The following GRM8 variants were observed in gnomAD, a reference collection of about 807,000 sequenced individuals.
The protein encoded by GRM8 is glutamate metabotropic receptor 8, also known as metabotropic glutamate receptor 8.
A neutral mutation model predicts 87.2 loss-of-function variants in GRM8; 47 were observed. The ratio of observed to expected loss-of-function variants is 0.54; its 90% CI spans 0.43 to 0.69. The LOEUF is 0.69. GRM8 is among the 30% of genes least tolerant of loss of function. GRM8 has a pLI of 0.00. For missense variants in GRM8, 1,019 were observed against 1,139.2 expected, an observed-to-expected ratio of 0.89 and a Z score of 1.52; for synonymous variants, 396 against 404.5, an observed-to-expected ratio of 0.98 and a Z score of 0.25.
intron 7 of GRM8, among the ~76,000 whole-genome samples, chr7:126,745,850 A>G (rs1377321716): frequency 6.6e-6 from 1 of 151,802 alleles, no homozygotes; most frequent in Non-Finnish European, 1.5e-5. Flanking sequence ...CACAATAAAA[A>G]GCTATTTAGA....
chr7:126,935,082 A>G (rs1170536992), intron 3 of GRM8, among the ~76,000 whole-genome samples: 2 of 152,174 alleles, frequency 1.3e-5, no homozygotes, highest in African/African-American at 4.8e-5. Context: ...TCATCTATGG[A>G]CCCATGAGAG....
At chr7:127,113,479 T>C (rs1045007096) in intron 2 of GRM8, among the ~76,000 whole-genome samples, 40 of 152,212 alleles carry the variant, frequency 2.6e-4, no homozygotes, top group Admixed American at 2.6e-3. Context: ...TTTTTGTTTT[T>C]TTCCCCCCTG....
Position 126,868,672 on chromosome 7 carries a change from C to G in GRM8, c.1156+33870G>C, listed in dbSNP as rs73723518. On this transcript the variant is annotated intron_variant, in intron 6 of 10. Transcript: ENST00000339582. Reference sequence around the variant, plus strand: ...GGTTTCCCAGTATGCATACAAGTTACGTTTACACTGTATTATATTAGTCTG... The same window carrying G: ...GGTTTCCCAGTATGCATACAAGTTAGGTTTACACTGTATTATATTAGTCTG... 2.0e-5 allele frequency: 3 copies of G among 152,306 alleles called. No individual in the cohort carries two copies. In the South Asian group the frequency reaches 6.2e-4, roughly 32 times the overall value. 9.4% of individuals were successfully genotyped at this position (152,306 alleles called of 1,614,324 possible).
At chr7:126,530,238 C>T (rs748157900) in intron 9 of GRM8, among the ~76,000 whole-genome samples, 6 of 152,202 alleles carry the variant, frequency 3.9e-5, no homozygotes, top group Non-Finnish European at 8.8e-5. Context: ...TGGTTCGATG[C>T]ATTCTCTGAC....
intron 7 of GRM8, among the ~76,000 whole-genome samples, chr7:126,736,526 G>A (rs935891552): frequency 2.0e-5 from 3 of 152,086 alleles, no homozygotes; most frequent in Non-Finnish European, 4.4e-5. Flanking sequence ...GGGTGTCAAT[G>A]TTATGAGTTT....
chr7:127,168,629 C>G (rs1297478655), intron 2 of GRM8, among the ~76,000 whole-genome samples: 2 of 152,070 alleles, frequency 1.3e-5, no homozygotes, highest in African/African-American at 4.8e-5. Context: ...CAATGATAGA[C>G]TGGATAAAGA....
chr7:126,508,035 C>T (rs1299725487), intron 9 of GRM8, among the ~76,000 whole-genome samples: 6 of 151,922 alleles, frequency 3.9e-5, no homozygotes, highest in Non-Finnish European at 1.5e-5. Context: ...AAGTATAGAA[C>T]GTCAACAAGT....
At chr7:127,037,832 CGTGTGT>C (rs367605693) in intron 3 of GRM8, among the ~76,000 whole-genome samples, 3,764 of 147,416 alleles carry the variant, frequency 0.026, 59 homozygotes, top group Non-Finnish European at 0.035. Flanking sequence ...CATGCGCATC[CGTGTGT>C]GTGTGTGTGT....
chr7:126,446,336 T>C lies in GRM8; in HGVS notation c.2467A>G (p.Ser823Gly), dbSNP rs1378227870. The change falls in exon 10 of 11, where the codon AGT becomes GGT. Residue 823 changes from serine (S) to glycine (G), a missense_variant. Transcript: ENST00000339582. ...IQTTTLTVSM[S>G]LSASVSLGML... Reference sequence around the variant, plus strand: ...CCCAGAGATACTGAAGCACTTAAACTCATGGAGACAGTAAGTGTTGTTGTC... The same window carrying C: ...CCCAGAGATACTGAAGCACTTAAACCCATGGAGACAGTAAGTGTTGTTGTC... 1.9e-6 allele frequency: 3 copies of C among 1,609,726 alleles called. No individual in the cohort carries two copies. Among genetic ancestry groups the C allele is most frequent in the Admixed American group, 1.7e-5 (1 of 59,708 alleles).
At chr7:127,093,053 C>T (rs879674615) in intron 3 of GRM8, among the ~76,000 whole-genome samples, 3 of 152,208 alleles carry the variant, frequency 2.0e-5, no homozygotes, top group Non-Finnish European at 4.4e-5. Context: ...ACAGACACCT[C>T]AAGTGAACTC....
At chr7:127,022,463 C>A (rs1461251333) in intron 3 of GRM8, among the ~76,000 whole-genome samples, 1 of 151,958 alleles carries the variant, frequency 6.6e-6, no homozygotes, top group East Asian at 1.9e-4. Flanking sequence ...CAAAGCACCA[C>A]AGACCACTCA....
chr7:127,060,021 A>C (rs1820453661), intron 3 of GRM8, among the ~76,000 whole-genome samples: 3 of 152,196 alleles, frequency 2.0e-5, no homozygotes, highest in African/African-American at 7.2e-5. Flanking sequence ...CCCCACATGA[A>C]AGTCACTGGT....
chr7:126,825,585 T>C (rs1276380707), intron 6 of GRM8, among the ~76,000 whole-genome samples: 2 of 152,116 alleles, frequency 1.3e-5, no homozygotes, highest in Non-Finnish European at 2.9e-5. Flanking sequence ...AAGGCTATGC[T>C]TTAGGAATGG....
In GRM8 at chr7:126,533,765, T is replaced by C; in HGVS notation, c.1617A>G (p.Glu539=). The C allele has an allele frequency of 1.2e-6, 2 of 1,614,048 alleles. No individual in the cohort carries two copies. Among genetic ancestry groups the C allele is most frequent in the Non-Finnish European group, 8.5e-7 (1 of 1,179,962 alleles). The change falls in exon 9 of 11, where the codon GAA becomes GAG. Residue 539 remains glutamate, a synonymous_variant. Transcript: ENST00000339582. ...CCTGGTAGTTGTAACCTTCACAGCGTTCACAGTGCCAGCAGCAAGGGACCC... is the reference window on the plus strand; with the variant it reads ...CCTGGTAGTTGTAACCTTCACAGCGCTCACAGTGCCAGCAGCAAGGGACCC... The part of the protein sequence containing the change: ...VKGVPCCWHC[E]RCEGYNYQVD...
At chr7:126,749,260 G>A (rs1241260616) in intron 7 of GRM8, among the ~76,000 whole-genome samples, 1 of 152,042 alleles carries the variant, frequency 6.6e-6, no homozygotes, top group Non-Finnish European at 1.5e-5. Flanking sequence ...CTAGGTGACA[G>A]AGTGAGACTC....
intron 7 of GRM8, among the ~76,000 whole-genome samples, chr7:126,611,238 T>C (rs1175874279): frequency 6.6e-6 from 1 of 152,162 alleles, no homozygotes; most frequent in Admixed American, 6.6e-5. Context: ...ACCAAAACCT[T>C]TCTCAGCTCC....
At chr7:126,730,887 CT>C (rs1813510212) in intron 7 of GRM8, among the ~76,000 whole-genome samples, 4 of 152,072 alleles carry the variant, frequency 2.6e-5, no homozygotes. Flanking sequence ...TTGGCATTTA[CT>C]TAATTTAGTT....
chr7:127,138,356 T>A (rs1828061531), intron 2 of GRM8, among the ~76,000 whole-genome samples: 1 of 152,130 alleles, frequency 6.6e-6, no homozygotes, highest in Non-Finnish European at 1.5e-5. Context: ...TCAGTTAGAA[T>A]CTGCAGAACC....
chr7:127,024,204 G>A (rs1369163153), intron 3 of GRM8, among the ~76,000 whole-genome samples: 1 of 152,016 alleles, frequency 6.6e-6, no homozygotes, highest in Non-Finnish European at 1.5e-5. Flanking sequence ...CAGCATTGCT[G>A]GTGCATATTC....
Sources: allele counts gnomAD v4.1 joint callset (sites outside exome capture counted in the v4.1 genomes callset), GRCh38; gene constraint gnomAD v4.1.1; transcripts MANE v1.5; gene names NCBI Gene and HGNC (gene_info 2026-07-23, HGNC 2026-07-21).